Variants in HPN observed in about 807,000 individuals in gnomAD.
The protein encoded by HPN is hepsin.
In HPN, 13 loss-of-function variants were observed where a neutral mutation model predicts 55.9. The ratio of observed to expected loss-of-function variants is 0.23; its 90% CI spans 0.15 to 0.37. The LOEUF is 0.37. Ranked by LOEUF, HPN falls within the 10% of genes least tolerant of loss-of-function variation. HPN has a pLI of 1.00. For missense variants in HPN, 451 were observed against 575.8 expected (o/e 0.78, Z 2.22); for synonymous variants, 225 against 240.3 (o/e 0.94, Z 0.59).
At position 35,059,817 on chromosome 19, in the gene HPN, C is replaced by T. The variant is rs1210598766; in HGVS notation, c.290+15C>T. On this transcript the variant is annotated intron_variant, in intron 5 of 12. Coordinates refer to ENST00000672452, the MANE Select transcript of HPN (RefSeq NM_001384133.1). ...GGCTTCCTCAGGTACTGGGGGCCCT[C>T]GGAGGGGTGGGAGCCGGGAGGGGCT... 2.6e-6 allele frequency: 4 copies of T among 1,547,306 alleles called. No individual in the cohort carries two copies. The East Asian group carries it at 6.9e-5, about 27-fold the overall frequency.
At chr19:35,061,853 C>T (rs1175244951) in intron 9 of HPN, among the ~76,000 whole-genome samples, 1 of 151,950 alleles carries the variant, frequency 6.6e-6, no homozygotes, top group Non-Finnish European at 1.5e-5. Flanking sequence ...ATTGTTTGTG[C>T]TCAGGAGTTT....
In HPN at chr19:35,060,524, C is replaced by G; in HGVS notation, c.620+12C>G. 6.2e-7 allele frequency: 1 copy of G among 1,612,012 alleles called. No individual in the cohort carries two copies. The highest frequency in any genetic ancestry group is 1.1e-5 in the South Asian group (1 of 91,034). ...CACTGCTTCCCGGAGTGAGTGCCCC[C>G]CAATGGCGCTGATGATGGGGAGGCA... is the stretch of plus-strand genomic sequence containing the variant. On this transcript the variant is annotated intron_variant, in intron 8 of 12. Transcript: ENST00000672452.
At chr19:35,053,218 C>T (rs573678274) in intron 4 of HPN, among the ~76,000 whole-genome samples, 2 of 152,222 alleles carry the variant, frequency 1.3e-5, no homozygotes, top group South Asian at 2.1e-4. Context: ...GATGTTCTCT[C>T]CCCACTCCCA....
At chr19:35,042,323 T>G (rs1181432307) in intron 1 of HPN, 130 bp from the exon 2 acceptor site, 1 of 1,408,540 alleles carries the variant, frequency 7.1e-7, no homozygotes, top group Non-Finnish European at 9.2e-7. Flanking sequence ...TCTGCGTCCG[T>G]GATCACGGCG....
chr19:35,052,929 C>T (rs1431134429), intron 4 of HPN, among the ~76,000 whole-genome samples: 2 of 152,140 alleles, frequency 1.3e-5, no homozygotes, highest in Admixed American at 6.5e-5. Flanking sequence ...GCCAGCACCA[C>T]GCCGCCACCC....
chr19:35,049,070 C>T lies in HPN; in HGVS notation c.17-220C>T, dbSNP rs573455355. ...CGTGGCAGGTGGCCCGGCCATGCCCCCCTCCCAGCTGGAACCCTGGGGGAG... is the reference window on the plus strand; with the variant it reads ...CGTGGCAGGTGGCCCGGCCATGCCCTCCTCCCAGCTGGAACCCTGGGGGAG... On this transcript the variant is annotated intron_variant, in intron 2 of 12. Transcript: ENST00000672452. 2.6e-5 allele frequency among the ~76,000 whole-genome samples: 4 copies of T among 152,192 alleles called. No homozygotes were observed. In the East Asian group the frequency reaches 7.7e-4, roughly 29 times the overall value.
intron 2 of HPN, among the ~76,000 whole-genome samples, chr19:35,043,405 C>G (rs1600375679): frequency 1.3e-5 from 2 of 152,210 alleles, no homozygotes; most frequent in South Asian, 2.1e-4. Flanking sequence ...CTGACTCCCT[C>G]TCTTCTTCCG....
intron 4 of HPN, chr19:35,050,441 T>C: frequency 8.3e-7 from 1 of 1,204,648 alleles, no homozygotes; most frequent in Non-Finnish European, 1.1e-6. Flanking sequence ...AGCTCCATTT[T>C]ACAGATGTGC....
chr19:35,051,405 A>G (rs1223432034), intron 4 of HPN, among the ~76,000 whole-genome samples: 1 of 151,926 alleles, frequency 6.6e-6, no homozygotes, highest in African/African-American at 2.4e-5. Context: ...CACCACACCC[A>G]ACCTCATTTT....
chr19:35,065,421 G>A, intron 10 of HPN, 76 bp downstream of exon 10: 1 of 1,564,742 alleles, frequency 6.4e-7, no homozygotes, highest in Non-Finnish European at 8.7e-7. Flanking sequence ...AGTCTGGCTG[G>A]TTGGATGAGT....
rs765151900 is a variant in HPN at position 35,065,615 on chromosome 19, T to C, written c.984T>C (p.Tyr328=). 7.4e-6 allele frequency: 12 copies of C among 1,614,072 alleles called. No homozygotes were observed. The East Asian group carries it at 2.7e-4, about 36-fold the overall frequency. Residue 328 remains tyrosine (Y), a synonymous_variant, in exon 11 of 13, where the codon TAT becomes TAC. Transcript: ENST00000672452. ...ATGTCTGCAATGGCGCTGACTTCTA[T>C]GGAAACCAGATCAAGCCCAAGATGT... is the stretch of plus-strand genomic sequence containing the variant. ...SNDVCNGADF[Y]GNQIKPKMFC...
chr19:35,056,523 G>C (rs867999424), intron 4 of HPN, among the ~76,000 whole-genome samples: 3 of 152,166 alleles, frequency 2.0e-5, no homozygotes, highest in African/African-American at 7.2e-5. Flanking sequence ...AGGGGTTTCA[G>C]GGGACATCTG....
rs755716513 is a variant in HPN, at chr19:35,065,311, T to C, written c.873T>C (p.Cys291=). Residue 291 remains cysteine, a synonymous_variant, in exon 10 of 13, where the codon TGT becomes TGC. Transcript: ENST00000672452. ...AGQALVDGKI[C]TVTGWGNTQY... ...AGGCCCTGGTGGATGGCAAGATCTG[T>C]ACCGTGACGGGCTGGGGCAACACGC... 3 of 1,614,048 alleles carry C rather than the reference T, an allele frequency of 1.9e-6. No homozygotes were observed. Among genetic ancestry groups the C allele is most frequent in the Non-Finnish European group, 2.5e-6 (3 of 1,179,942 alleles).
chr19:35,059,769 C>G lies in HPN; in HGVS notation c.257C>G (p.Ala86Gly), dbSNP rs2064504188. 6.3e-7 allele frequency: 1 copy of G among 1,587,724 alleles called. No individual in the cohort carries two copies. The highest frequency in any genetic ancestry group is 1.1e-5 in the South Asian group (1 of 87,072). ...TCCTCGCGCTCCAACGCCAGGGTAG[C>G]CGGACTCAGCTGCGAGGAGATGGGC... The part of the protein sequence containing the change: ...LCSSRSNARV[A>G]GLSCEEMGFL... Residue 86 changes from alanine to glycine, a missense_variant, in exon 5 of 13, where the codon GCC becomes GGC. Ala to Gly is a moderately conservative substitution (Grantham distance 60). This residue lies in a region of HPN where 378 missense variants were observed against 445.5 expected (regional missense o/e 0.85). Coordinates refer to ENST00000672452, the MANE Select transcript of HPN (RefSeq NM_001384133.1).
At position 35,059,716 on chromosome 19, in the gene HPN, G is replaced by T; in HGVS notation, c.204G>T (p.Lys68Asn). 1 of 1,600,102 alleles carries T rather than the reference G, an allele frequency of 6.2e-7. No homozygotes were observed. ...SADARLMVFD[K>N]TEGTWRLLCS... Reference sequence around the variant, plus strand: ...ACGCTCGGCTCATGGTCTTTGACAAGACGGAAGGGACGTGGCGGCTGCTGT... The same window carrying T: ...ACGCTCGGCTCATGGTCTTTGACAATACGGAAGGGACGTGGCGGCTGCTGT... The change falls in exon 5 of 13, where the codon AAG (lysine) becomes AAT (asparagine). Residue 68 changes from lysine to asparagine, a missense_variant. Transcript: ENST00000672452.
chr19:35,044,768 A>G (rs1172001378), intron 2 of HPN, among the ~76,000 whole-genome samples: 2 of 152,134 alleles, frequency 1.3e-5, no homozygotes, highest in Admixed American at 6.5e-5. Context: ...CTAGGGAGTC[A>G]CAGAGGGTTC....
intron 2 of HPN, among the ~76,000 whole-genome samples, chr19:35,045,830 C>G (rs964735274): frequency 4.6e-4 from 70 of 152,266 alleles, no homozygotes; most frequent in African/African-American, 1.7e-3. Flanking sequence ...GCCTCTCATA[C>G]TGGGGGAACC....
intron 4 of HPN, 40 bp from the exon 5 acceptor site, chr19:35,059,633 C>T: frequency 6.4e-7 from 1 of 1,564,532 alleles, no homozygotes; most frequent in Non-Finnish European, 8.6e-7. Flanking sequence ...GGGAGCCTGG[C>T]TGTGGGACCC....
intron 5 of HPN, 23 bp downstream of exon 5, chr19:35,059,825 T>A: frequency 6.5e-7 from 1 of 1,537,794 alleles, no homozygotes. Flanking sequence ...CTCGGAGGGG[T>A]GGGAGCCGGG....
Sources: gnomAD v4.1 joint callset for allele counts (sites outside exome capture counted in the v4.1 genomes callset) on GRCh38, gnomAD v4.1.1 for gene constraint, gnomAD v4.1.1 regional missense constraint, MANE v1.5 for transcripts, NCBI Gene and HGNC (gene_info 2026-07-23, HGNC 2026-07-21) for gene names.